The following NRCAM variants were observed in gnomAD, a reference collection of about 807,000 sequenced individuals.
The protein encoded by NRCAM is neuronal cell adhesion molecule.
Under a neutral mutation model 156.5 loss-of-function variants are expected in NRCAM, and 83 were observed. The ratio of observed to expected loss-of-function variants is 0.53; its 90% CI spans 0.44 to 0.64. NRCAM has a LOEUF of 0.64. NRCAM is among the 30% of genes least tolerant of loss of function. The pLI is 0.00. For synonymous variants in NRCAM, 538 were observed against 563.9 expected (o/e 0.95, Z 0.65); for missense variants, 1,417 against 1,597.3 (o/e 0.89, Z 1.92).
intron 20 of NRCAM, among the ~76,000 whole-genome samples, chr7:108,188,451 T>C (rs1265010096): frequency 1.3e-5 from 2 of 152,074 alleles, no homozygotes; most frequent in Non-Finnish European, 1.5e-5. Context: ...CTTAATAATG[T>C]ATTATTAATT....
At chr7:108,234,383 T>C (rs577719201) in intron 6 of NRCAM, among the ~76,000 whole-genome samples, 200 bp downstream of exon 6, 87 of 150,848 alleles carry the variant, frequency 5.8e-4, no homozygotes, top group African/African-American at 2.1e-3. Context: ...TTACCTTCAG[T>C]ATCTTTGAAG....
intron 9 of NRCAM, 109 bp from the exon 10 acceptor site, chr7:108,225,810 C>G: frequency 1.3e-6 from 1 of 771,184 alleles, no homozygotes; most frequent in Non-Finnish European, 2.4e-6. Flanking sequence ...GAGTGCTGTT[C>G]CTATCAAGTA....
chr7:108,227,270 C>T (rs1057322428), intron 8 of NRCAM, among the ~76,000 whole-genome samples: 10 of 152,312 alleles, frequency 6.6e-5, no homozygotes, highest in Admixed American at 5.2e-4. Context: ...ATTAGTACTT[C>T]CCCTTAGGTC....
chr7:108,247,019 T>C (rs558240315), intron 3 of NRCAM, among the ~76,000 whole-genome samples: 4 of 152,140 alleles, frequency 2.6e-5, no homozygotes, highest in South Asian at 4.2e-4. Context: ...GTATGAGCCA[T>C]ACTACTAGAT....
chr7:108,242,164 A>G (rs2095572077), intron 3 of NRCAM, among the ~76,000 whole-genome samples: 1 of 147,518 alleles, frequency 6.8e-6, no homozygotes, highest in African/African-American at 2.5e-5. Context: ...AACCCCAGCT[A>G]CTTGGGAGGC....
At chr7:108,421,987 T>C (rs1810572504) in intron 1 of NRCAM, among the ~76,000 whole-genome samples, 1 of 152,198 alleles carries the variant, frequency 6.6e-6, no homozygotes, top group African/African-American at 2.4e-5. Context: ...GCATGCCACA[T>C]ACAGTGGAAC....
At chr7:108,282,877 G>C (rs36060893) in intron 3 of NRCAM, among the ~76,000 whole-genome samples, 1 of 152,158 alleles carries the variant, frequency 6.6e-6, no homozygotes, top group African/African-American at 2.4e-5. Flanking sequence ...CACTAGAGCC[G>C]CCTGGGGAGA....
intron 3 of NRCAM, among the ~76,000 whole-genome samples, chr7:108,309,150 C>T (rs1318182136): frequency 1.3e-5 from 2 of 152,144 alleles, no homozygotes; most frequent in Non-Finnish European, 2.9e-5. Context: ...AAGTTCATCA[C>T]GATCACAATA....
chr7:108,257,905 C>A (rs2096745737), intron 3 of NRCAM, among the ~76,000 whole-genome samples: 1 of 152,104 alleles, frequency 6.6e-6, no homozygotes, highest in Non-Finnish European at 1.5e-5. Context: ...CCCTTCTCTT[C>A]TTCACGTGCC....
At chr7:108,150,780 C>T (rs774652450) in intron 32 of NRCAM, 2 of 515,134 alleles carry the variant, frequency 3.9e-6, no homozygotes, top group South Asian at 2.9e-5. Flanking sequence ...AATCCTTATA[C>T]TGATAGTACA....
intron 2 of NRCAM, among the ~76,000 whole-genome samples, chr7:108,325,305 AG>A (rs1249358936): frequency 6.6e-6 from 1 of 152,196 alleles, no homozygotes; most frequent in African/African-American, 2.4e-5. Flanking sequence ...ATTAAGAATG[AG>A]AACTTTCATT....
At chr7:108,408,664 ATG>A (rs1414758404) in intron 1 of NRCAM, among the ~76,000 whole-genome samples, 1 of 152,190 alleles carries the variant, frequency 6.6e-6, no homozygotes, top group African/African-American at 2.4e-5. Flanking sequence ...TAGCTCACAT[ATG>A]TCTTTACTCC....
At chr7:108,387,191 C>T (rs1447145609) in intron 2 of NRCAM, among the ~76,000 whole-genome samples, 2 of 152,116 alleles carry the variant, frequency 1.3e-5, no homozygotes, top group Admixed American at 6.6e-5. Flanking sequence ...AGAGAAGTTG[C>T]TCCTCATTTC....
intron 3 of NRCAM, among the ~76,000 whole-genome samples, chr7:108,311,203 C>T (rs539366804): frequency 2.0e-4 from 30 of 152,136 alleles, no homozygotes; most frequent in Non-Finnish European, 3.1e-4. Flanking sequence ...ATATTATCTA[C>T]GAAAGAATTT....
chr7:108,381,153 T>C (rs2099699190), intron 2 of NRCAM, among the ~76,000 whole-genome samples: 1 of 133,748 alleles, frequency 7.5e-6, no homozygotes, highest in Non-Finnish European at 1.7e-5. Flanking sequence ...AATATACGTA[T>C]GTAGCTATAT....
At chr7:108,356,749 A>C (rs1486030872) in intron 2 of NRCAM, among the ~76,000 whole-genome samples, 1 of 152,224 alleles carries the variant, frequency 6.6e-6, no homozygotes, top group African/African-American at 2.4e-5. Flanking sequence ...CCAAGTCAGA[A>C]GACAATTTTA....
chr7:108,420,270 G>A (rs1807647049), intron 1 of NRCAM, among the ~76,000 whole-genome samples: 1 of 152,122 alleles, frequency 6.6e-6, no homozygotes, highest in Non-Finnish European at 1.5e-5. Context: ...CTGCTTTTCA[G>A]ACACACACAA....
At chr7:108,377,101 T>C (rs1452999895) in intron 2 of NRCAM, among the ~76,000 whole-genome samples, 1 of 152,112 alleles carries the variant, frequency 6.6e-6, no homozygotes, top group Non-Finnish European at 1.5e-5. Context: ...GAGATTGAGG[T>C]TGCAGTGAGC....
At chr7:108,193,010 G>A (rs2072985264) in intron 17 of NRCAM, among the ~76,000 whole-genome samples, 1 of 152,060 alleles carries the variant, frequency 6.6e-6, no homozygotes, top group South Asian at 2.1e-4. Flanking sequence ...TTAACCTGAT[G>A]GTCATTTCTT....
Sources: allele counts gnomAD v4.1 joint callset (sites outside exome capture counted in the v4.1 genomes callset), GRCh38; gene constraint gnomAD v4.1.1; transcripts MANE v1.5; gene names NCBI Gene and HGNC (gene_info 2026-07-23, HGNC 2026-07-21).